The following ENPP6 variants were observed in gnomAD, a reference collection of about 807,000 sequenced individuals.
ENPP6 encodes the protein ectonucleotide pyrophosphatase/phosphodiesterase 6, also known as glycerophosphocholine cholinephosphodiesterase ENPP6.
In ENPP6, 32 loss-of-function variants were observed where a neutral mutation model predicts 42.0. The ratio of observed to expected loss-of-function variants is 0.76; its 90% CI spans 0.58 to 1.02. The LOEUF (loss-of-function observed/expected upper bound fraction) is 1.02. Ranked by LOEUF, ENPP6 falls within the 50% of genes least tolerant of loss-of-function variation. The pLI, the probability that ENPP6 is intolerant of heterozygous loss-of-function variation, is 0.00. For synonymous variants in ENPP6, 213 were observed against 216.0 expected (o/e 0.99, Z 0.12); for missense variants, 552 against 566.8 (o/e 0.97, Z 0.27).
At chr4:184,162,831 G>GAGTTTAATTCTGTGGTTTTTATTT (rs1204991566) in intron 1 of ENPP6, among the ~76,000 whole-genome samples, 2 of 152,140 alleles carry the variant, frequency 1.3e-5, no homozygotes, top group African/African-American at 4.8e-5. Context: ...AGGCTGCACA[G>GAGTTTAATTCTGTGGTTTTTATTT]AGTTTAATTC....
rs1439945152 is a variant in ENPP6 at position 184,166,120 on chromosome 4, C to T, written c.242-12387G>A. ...TATTTTTTTAATGTGTTCAAAGACA[C>T]ACTTTGGATGTTAAAGAAGTGGTTT... On this transcript the variant is annotated intron_variant, in intron 1 of 7. Transcript: ENST00000296741. Among the ~76,000 whole-genome samples the T allele has an allele frequency of 2.6e-5, 4 of 152,158 alleles. No individual in the cohort carries two copies. The South Asian group carries it at 6.2e-4, about 24-fold the overall frequency.
At chr4:184,205,863 G>A (rs1732987774) in intron 1 of ENPP6, among the ~76,000 whole-genome samples, 1 of 152,182 alleles carries the variant, frequency 6.6e-6, no homozygotes, top group Non-Finnish European at 1.5e-5. Flanking sequence ...GGAACCAAGG[G>A]AAAGGATGAA....
At chr4:184,169,968 A>G (rs190570205) in intron 1 of ENPP6, among the ~76,000 whole-genome samples, 1 of 152,366 alleles carries the variant, frequency 6.6e-6, no homozygotes, top group Admixed American at 6.5e-5. Flanking sequence ...ATCTGAAGTC[A>G]TAAATACTTC....
chr4:184,206,536 G>A (rs1733003780), intron 1 of ENPP6, among the ~76,000 whole-genome samples: 2 of 152,012 alleles, frequency 1.3e-5, no homozygotes, highest in Admixed American at 1.3e-4. Flanking sequence ...GATTACAGGC[G>A]TGAGCCACCG....
At chr4:184,173,090 G>C (rs1280388046) in intron 1 of ENPP6, among the ~76,000 whole-genome samples, 1 of 152,040 alleles carries the variant, frequency 6.6e-6, no homozygotes. Flanking sequence ...ATTTTTAGTA[G>C]AGACGGGGTT....
chr4:184,139,331 A>T (rs1736781639), intron 2 of ENPP6, among the ~76,000 whole-genome samples: 1 of 151,524 alleles, frequency 6.6e-6, no homozygotes, highest in South Asian at 2.1e-4. Flanking sequence ...TTCTGAGGTG[A>T]ATTTTTTTTT....
At position 184,154,334 on chromosome 4, in the gene ENPP6, T is replaced by C. The variant is rs576926774; in HGVS notation, c.242-601A>G. Reference sequence around the variant, plus strand: ...AGGGCTGGTTCTGTTGAGCACAGCTTAGTCCCAGAAGACAAGCCAGAAGTG... The same window carrying C: ...AGGGCTGGTTCTGTTGAGCACAGCTCAGTCCCAGAAGACAAGCCAGAAGTG... On this transcript the variant is annotated intron_variant, in intron 1 of 7. Coordinates refer to ENST00000296741, the MANE Select transcript of ENPP6 (RefSeq NM_153343.4). 2.0e-3 allele frequency among the ~76,000 whole-genome samples: 308 copies of C among 152,338 alleles called. 1 individual carries two copies. Among genetic ancestry groups the C allele is most frequent in the African/African-American group, 6.9e-3 (285 of 41,578 alleles).
intron 1 of ENPP6, among the ~76,000 whole-genome samples, chr4:184,162,778 G>A (rs1387851532): frequency 6.6e-6 from 1 of 152,166 alleles, no homozygotes; most frequent in African/African-American, 2.4e-5. Context: ...AGCACAATTC[G>A]AGATGGTCAC....
intron 1 of ENPP6, among the ~76,000 whole-genome samples, chr4:184,159,043 C>T (rs530036443): frequency 1.9e-4 from 29 of 152,240 alleles, no homozygotes; most frequent in Admixed American, 3.3e-4. Context: ...TCCTATCTGT[C>T]GTGATGCTTG....
chr4:184,122,956 A>T (rs1054983866), intron 3 of ENPP6, among the ~76,000 whole-genome samples: 1 of 152,166 alleles, frequency 6.6e-6, no homozygotes, highest in African/African-American at 2.4e-5. Flanking sequence ...AGCGCAATAT[A>T]CCGGCTCATC....
chr4:184,206,548 G>A (rs962600848), intron 1 of ENPP6, among the ~76,000 whole-genome samples: 29 of 152,098 alleles, frequency 1.9e-4, no homozygotes, highest in African/African-American at 6.5e-4. Context: ...GAGCCACCGC[G>A]CCCGGCCAGG....
rs1478153970 is a variant in ENPP6 at position 184,117,005 on chromosome 4, T to C, written c.706A>G (p.Ile236Val). The change falls in exon 5 of 8, where the codon ATT (isoleucine) becomes GTT (valine). Residue 236 changes from isoleucine (I) to valine (V), a missense_variant. Coordinates refer to ENST00000296741, the MANE Select transcript of ENPP6 (RefSeq NM_153343.4). ...ERGLQDRLNV[I>V]IFSDHGMTDI... The stretch of plus-strand genomic sequence containing the variant: ...GTCATTCCGTGATCCGAGAAAATAA[T>C]GACGTTCAGGCGGTCCTGCAGGCCC... 1 of 1,614,058 alleles carries C rather than the reference T, an allele frequency of 6.2e-7. No individual in the cohort carries two copies. Among genetic ancestry groups the C allele is most frequent in the Non-Finnish European group, 8.5e-7 (1 of 1,180,046 alleles).
chr4:184,176,608 C>A lies in ENPP6; in HGVS notation c.242-22875G>T, dbSNP rs1286092814. Among the ~76,000 whole-genome samples the A allele has an allele frequency of 2.0e-5, 3 of 152,114 alleles. No individual in the cohort carries two copies. The East Asian group carries it at 5.8e-4, about 29-fold the overall frequency. Reference sequence around the variant, plus strand: ...ATTGCTAAGGATCGAGTCCTAAACACCAACTGAACGGGGCCACCGAGCTAC... The same window carrying A: ...ATTGCTAAGGATCGAGTCCTAAACAACAACTGAACGGGGCCACCGAGCTAC... On this transcript the variant is annotated intron_variant, in intron 1 of 7. Coordinates refer to ENST00000296741, the MANE Select transcript of ENPP6 (RefSeq NM_153343.4).
chr4:184,156,726 G>A (rs1211837179), intron 1 of ENPP6, among the ~76,000 whole-genome samples: 1 of 152,234 alleles, frequency 6.6e-6, no homozygotes, highest in Non-Finnish European at 1.5e-5. Context: ...CTCAGAGAGA[G>A]CTCCTGGAAT....
chr4:184,103,845 C>G (rs1477829837), intron 6 of ENPP6, among the ~76,000 whole-genome samples: 2 of 152,120 alleles, frequency 1.3e-5, no homozygotes, highest in East Asian at 1.9e-4. Flanking sequence ...GCTCAGGCCT[C>G]GGCCTGCTGG....
At chr4:184,101,270 T>C (rs1322660179) in intron 6 of ENPP6, among the ~76,000 whole-genome samples, 3 of 151,766 alleles carry the variant, frequency 2.0e-5, no homozygotes, top group Non-Finnish European at 2.9e-5. Flanking sequence ...TGTGTCTGTG[T>C]TGCACGTGTG....
rs909244236 is a variant in ENPP6, at chr4:184,127,539, C to A, written c.422-3267G>T. ...GGTCAGGCTGAATAAAAAAGCAAGA[C>A]CTGAGGTCAGGAGCTTGAGACTGGC... On this transcript the variant is annotated intron_variant, in intron 2 of 7. Coordinates refer to ENST00000296741, the MANE Select transcript of ENPP6 (RefSeq NM_153343.4). Among the ~76,000 whole-genome samples, 3 of 152,182 alleles carry A rather than the reference C, an allele frequency of 2.0e-5. No individual in the cohort carries two copies. The South Asian group carries it at 6.2e-4, about 32-fold the overall frequency.
intron 1 of ENPP6, among the ~76,000 whole-genome samples, chr4:184,162,457 T>G (rs1296735418): frequency 6.6e-6 from 1 of 152,192 alleles, no homozygotes; most frequent in African/African-American, 2.4e-5. Flanking sequence ...AGTAAGTTAT[T>G]TCAACTTTGG....
intron 6 of ENPP6, among the ~76,000 whole-genome samples, chr4:184,102,908 G>A (rs190996297): frequency 6.0e-4 from 92 of 152,348 alleles, no homozygotes; most frequent in African/African-American, 2.0e-3. Flanking sequence ...CCAGGTGGTC[G>A]GGATGTGCAG....
Sources: gnomAD v4.1 joint callset for allele counts (sites outside exome capture counted in the v4.1 genomes callset) on GRCh38, gnomAD v4.1.1 for gene constraint, MANE v1.5 for transcripts, NCBI Gene and HGNC (gene_info 2026-07-23, HGNC 2026-07-21) for gene names.